The following SPTLC3 variants were observed in gnomAD, a reference collection of about 807,000 sequenced individuals.
SPTLC3 encodes serine palmitoyltransferase 3.
A neutral mutation model predicts 59.3 loss-of-function variants in SPTLC3; 36 were observed. The ratio of observed to expected loss-of-function variants is 0.61; its 90% CI spans 0.47 to 0.80. The LOEUF (loss-of-function observed/expected upper bound fraction) is 0.80. Among genes scored for constraint, SPTLC3 ranks in the 30% least tolerant of loss-of-function variants. The probability of loss-of-function intolerance (pLI) is 0.00; values close to 1 mark genes in which losing one functional copy is unlikely to be tolerated. For synonymous variants in SPTLC3, 257 were observed against 240.8 expected (o/e 1.07, Z -0.62); for missense variants, 625 against 685.1 (o/e 0.91, Z 0.98).
chr20:13,062,608 G>C (rs747034257), intron 2 of SPTLC3, among the ~76,000 whole-genome samples: 2 of 152,094 alleles, frequency 1.3e-5, no homozygotes, highest in Non-Finnish European at 2.9e-5. Flanking sequence ...TATGGAATTA[G>C]TGCACCAAAG....
chr20:13,026,149 T>A (rs958756186), intron 1 of SPTLC3, among the ~76,000 whole-genome samples: 1 of 152,200 alleles, frequency 6.6e-6, no homozygotes, highest in African/African-American at 2.4e-5. Context: ...TTAGGTTGAT[T>A]CCATGTCTTT....
chr20:13,025,954 C>A (rs1349017430), intron 1 of SPTLC3, among the ~76,000 whole-genome samples: 2 of 152,122 alleles, frequency 1.3e-5, no homozygotes, highest in African/African-American at 4.8e-5. Context: ...AGGCATTTAG[C>A]TCCCACTTCT....
At chr20:13,124,877 C>T (rs933142419) in intron 8 of SPTLC3, among the ~76,000 whole-genome samples, 7 of 152,128 alleles carry the variant, frequency 4.6e-5, no homozygotes, top group African/African-American at 1.7e-4. Context: ...ATGAACCTAC[C>T]CCAAAGCAGA....
chr20:13,105,174 G>A (rs1454880083), intron 6 of SPTLC3, among the ~76,000 whole-genome samples: 1 of 152,128 alleles, frequency 6.6e-6, no homozygotes, highest in Non-Finnish European at 1.5e-5. Flanking sequence ...CAGGGGCTAA[G>A]GTGGGGCCAG....
intron 7 of SPTLC3, among the ~76,000 whole-genome samples, chr20:13,111,715 G>T (rs944559598): frequency 6.6e-6 from 1 of 152,168 alleles, no homozygotes; most frequent in Non-Finnish European, 1.5e-5. Context: ...GCCTAGATTC[G>T]TGGGAACACA....
chr20:13,125,938 T>C (rs1161472163), intron 8 of SPTLC3, among the ~76,000 whole-genome samples: 1 of 152,228 alleles, frequency 6.6e-6, no homozygotes, highest in Non-Finnish European at 1.5e-5. Context: ...TACAGCTATT[T>C]TTGTAAACAC....
At chr20:13,013,859 G>A (rs1985384349) in intron 1 of SPTLC3, among the ~76,000 whole-genome samples, 1 of 152,206 alleles carries the variant, frequency 6.6e-6, no homozygotes, top group South Asian at 2.1e-4. Flanking sequence ...GGCAGGGGCT[G>A]CTAGGGATTG....
intron 4 of SPTLC3, among the ~76,000 whole-genome samples, chr20:13,089,554 A>G (rs7262683): frequency 0.47 from 71,078 of 151,748 alleles, 16,639 homozygotes; most frequent in East Asian, 0.51. Context: ...GGGAGGCCAC[A>G]GCGGGTGGAT....
intron 4 of SPTLC3, among the ~76,000 whole-genome samples, chr20:13,088,373 C>T (rs1358848260): frequency 6.6e-6 from 1 of 152,058 alleles, no homozygotes; most frequent in Non-Finnish European, 1.5e-5. Flanking sequence ...CTTGCTCTGT[C>T]GCCCAGGCTG....
intron 2 of SPTLC3, among the ~76,000 whole-genome samples, chr20:13,067,870 C>T (rs913563007): frequency 1.3e-4 from 20 of 152,146 alleles, no homozygotes; most frequent in African/African-American, 3.4e-4. Context: ...TCAATGTAGA[C>T]GCAAATGAAT....
intron 9 of SPTLC3, among the ~76,000 whole-genome samples, chr20:13,151,534 A>G (rs1423627309): frequency 6.6e-6 from 1 of 152,172 alleles, no homozygotes; most frequent in East Asian, 1.9e-4. Flanking sequence ...CATCCTTGAG[A>G]ACTGGAGTTG....
At chr20:13,126,463 C>A in intron 8 of SPTLC3, 128 bp from the exon 9 acceptor site, 4 of 1,070,592 alleles carry the variant, frequency 3.7e-6, no homozygotes, top group South Asian at 1.9e-5. Flanking sequence ...AAGTTGGACC[C>A]CATTCATCTT....
At chr20:13,057,008 G>A (rs917648306) in intron 2 of SPTLC3, among the ~76,000 whole-genome samples, 2 of 151,436 alleles carry the variant, frequency 1.3e-5, no homozygotes, top group African/African-American at 4.9e-5. Context: ...CCAAAGTGCT[G>A]GGATTACAGG....
intron 6 of SPTLC3, among the ~76,000 whole-genome samples, chr20:13,105,267 G>GA (rs34496058): frequency 0.21 from 31,745 of 149,544 alleles, 4,497 homozygotes; most frequent in African/African-American, 0.4. Context: ...CCTGCAGGAG[G>GA]AAAAAAAAAA....
intron 9 of SPTLC3, among the ~76,000 whole-genome samples, chr20:13,146,771 G>C (rs2038520164): frequency 6.6e-6 from 1 of 152,132 alleles, no homozygotes; most frequent in Admixed American, 6.5e-5. Flanking sequence ...TACATAGTGA[G>C]TACTTTTCAT....
At chr20:13,049,168 T>C in intron 2 of SPTLC3, 38 bp downstream of exon 2, 1 of 1,598,636 alleles carries the variant, frequency 6.3e-7, no homozygotes, top group Non-Finnish European at 8.6e-7. Context: ...TGTCAATGCC[T>C]ACTCCTCTCT....
At chr20:13,091,282 A>G in intron 5 of SPTLC3, 75 bp downstream of exon 5, 2 of 1,558,678 alleles carry the variant, frequency 1.3e-6, no homozygotes, top group Non-Finnish European at 1.7e-6. Context: ...TCCTTGTTAG[A>G]AGTATGGCTG....
chr20:13,138,030 C>G (rs960535020), intron 9 of SPTLC3, among the ~76,000 whole-genome samples: 3 of 152,214 alleles, frequency 2.0e-5, no homozygotes, highest in Admixed American at 2.0e-4. Flanking sequence ...TTGCCACCAA[C>G]CCAGGGAGAC....
In SPTLC3 at chr20:13,165,640, A is replaced by C. The variant is rs1212155500; in HGVS notation, c.*773A>C. On this transcript the variant is annotated 3_prime_UTR_variant, in exon 12 of 12. Transcript: ENST00000399002. ...AGGTCTAGACTAAAATGGTAGTTAC[A>C]ACAATTTGAACCTTGTTGGTGCAGT... 1 of 152,208 alleles carries C rather than the reference A, an allele frequency of 6.6e-6. No homozygotes were observed. The highest frequency in any genetic ancestry group is 2.4e-5 in the African/African-American group (1 of 41,458). 9.4% of individuals were successfully genotyped at this position (152,208 alleles called of 1,614,324 possible).
Sources: gnomAD v4.1 joint callset for allele counts (sites outside exome capture counted in the v4.1 genomes callset) on GRCh38, gnomAD v4.1.1 for gene constraint, MANE v1.5 for transcripts, NCBI Gene and HGNC (gene_info 2026-07-23, HGNC 2026-07-21) for gene names.